The following DIP2A variants were observed in gnomAD, a reference collection of about 807,000 sequenced individuals.
The protein encoded by DIP2A is disco-interacting protein 2 homolog A.
In DIP2A, 85 loss-of-function variants were observed where a neutral mutation model predicts 177.4. That is an observed-to-expected ratio of 0.48 (90% confidence interval 0.40 to 0.57). The LOEUF is 0.57. Ranked by LOEUF, DIP2A falls within the 20% of genes least tolerant of loss-of-function variation. The pLI is 0.00. For missense variants in DIP2A, 1,791 were observed against 2,100.2 expected, an observed-to-expected ratio of 0.85 and a Z score of 2.88; for synonymous variants, 886 against 881.8, an observed-to-expected ratio of 1.00 and a Z score of -0.08.
At chr21:46,471,362 A>C (rs772988161) in intron 1 of DIP2A, among the ~76,000 whole-genome samples, 5 of 152,140 alleles carry the variant, frequency 3.3e-5, no homozygotes, top group South Asian at 2.1e-4. Context: ...GAGCAGTCTT[A>C]GGTTCACAGC....
intron 8 of DIP2A, among the ~76,000 whole-genome samples, chr21:46,519,917 C>G (rs1036462647): frequency 1.8e-5 from 2 of 112,336 alleles, no homozygotes; most frequent in African/African-American, 7.0e-5. Flanking sequence ...CTCTGCTGCT[C>G]AGGCTGGAGT....
chr21:46,477,546 TG>T (rs1471136118), intron 1 of DIP2A, among the ~76,000 whole-genome samples: 19 of 129,468 alleles, frequency 1.5e-4, no homozygotes, highest in African/African-American at 4.3e-4. Flanking sequence ...AAAAGATTTG[TG>T]TGTGTGTGTG....
At chr21:46,546,054 C>G in intron 20 of DIP2A, 93 bp downstream of exon 20, 1 of 1,590,092 alleles carries the variant, frequency 6.3e-7, no homozygotes, top group Non-Finnish European at 8.6e-7. Flanking sequence ...CTTGTCCTGG[C>G]CGTTCCTGAC....
intron 8 of DIP2A, among the ~76,000 whole-genome samples, chr21:46,511,889 A>C (rs1262186352): frequency 3.3e-5 from 5 of 152,178 alleles, no homozygotes; most frequent in African/African-American, 9.7e-5. Flanking sequence ...TCAACTTTGT[A>C]TAAGGGGAAT....
At chr21:46,504,044 C>T (rs1056943897) in intron 5 of DIP2A, among the ~76,000 whole-genome samples, 21 of 152,252 alleles carry the variant, frequency 1.4e-4, no homozygotes, top group African/African-American at 5.1e-4. Context: ...GAATTTCTAA[C>T]CAAAATCTCA....
At chr21:46,495,179 T>TTTCTC (rs373831760) in intron 3 of DIP2A, among the ~76,000 whole-genome samples, 3,637 of 72,290 alleles carry the variant, frequency 0.05, 488 homozygotes, top group East Asian at 0.09. Flanking sequence ...TCTTTCGCTT[T>TTTCTC]TTCTCTTCTC....
At position 46,506,700 on chromosome 21, in the gene DIP2A, A is replaced by AT. The variant is rs1042276111; in HGVS notation, c.784+2222dup. On this transcript the variant is annotated intron_variant, in intron 6 of 37. Coordinates refer to ENST00000417564, the MANE Select transcript of DIP2A (RefSeq NM_015151.4). Reference sequence around the variant, plus strand: ...AAGTATCTGTTCATACTTTTGGCCTATTTTTTTTTTTAATTGTGCTTGTTT... The same window carrying AT: ...AAGTATCTGTTCATACTTTTGGCCTATTTTTTTTTTTTAATTGTGCTTGTTT... Among the ~76,000 whole-genome samples the AT allele has an allele frequency of 1.0e-3, 84 of 81,130 alleles. 1 individual carries two copies. Among genetic ancestry groups the AT allele is most frequent in the East Asian group, 2.1e-3 (6 of 2,792 alleles). The allele number at this position is 81,130 out of a possible 152,430, so 53.2% of individuals were successfully genotyped here. A position where few individuals can be genotyped will look rare whatever the true frequency, so the allele number is the denominator to read the frequency against.
chr21:46,459,807 A>G (rs1189670510), intron 1 of DIP2A, among the ~76,000 whole-genome samples: 1 of 151,648 alleles, frequency 6.6e-6, no homozygotes, highest in African/African-American at 2.4e-5. Context: ...ACCTTTCCCT[A>G]TCCCCAGCTG....
intron 13 of DIP2A, among the ~76,000 whole-genome samples, chr21:46,535,650 T>G (rs1305954181): frequency 6.6e-6 from 1 of 152,176 alleles, no homozygotes; most frequent in Admixed American, 6.5e-5. Context: ...CAGCTAAAGC[T>G]TTTACTTGAG....
the DIP2A span, among the ~76,000 whole-genome samples, chr21:46,580,755 A>T: frequency 1.5e-4 from 23 of 152,314 alleles, no homozygotes; most frequent in African/African-American, 5.5e-4. Context: ...TTTCTTTAAG[A>T]ATGTTGAATA....
At chr21:46,516,838 T>C (rs1303721304) in intron 8 of DIP2A, among the ~76,000 whole-genome samples, 1 of 152,082 alleles carries the variant, frequency 6.6e-6, no homozygotes, top group Non-Finnish European at 1.5e-5. Context: ...TTCCTTATTT[T>C]AGATATTGCC....
chr21:46,556,429 A>T lies in DIP2A; in HGVS notation c.3498+338A>T, dbSNP rs886152168. 9.9e-6 allele frequency: 13 copies of T among 1,310,598 alleles called. No homozygotes were observed. The highest frequency in any genetic ancestry group is 2.3e-5 in the Admixed American group (1 of 44,064). 81.2% of individuals were successfully genotyped at this position (1,310,598 alleles called of 1,614,324 possible). The stretch of plus-strand genomic sequence containing the variant: ...CGGGGCGTGGTGGCTCACGCCTGTA[A>T]TCCCAGCACTTCGGGAGGCCGAGGC... On this transcript the variant is annotated intron_variant, in intron 29 of 37. Coordinates refer to ENST00000417564, the MANE Select transcript of DIP2A (RefSeq NM_015151.4). This position sits in a 1 kb window ranked among gnomAD's most constrained non-coding sequence, Gnocchi z 4.5.
intron 8 of DIP2A, among the ~76,000 whole-genome samples, chr21:46,524,997 C>T (rs1358821981): frequency 1.4e-5 from 2 of 143,862 alleles, no homozygotes; most frequent in African/African-American, 2.6e-5. Context: ...ACAATTATTA[C>T]GCATCAGCCT....
At chr21:46,559,476 A>C (rs933216744) in intron 32 of DIP2A, among the ~76,000 whole-genome samples, 1 of 152,206 alleles carries the variant, frequency 6.6e-6, no homozygotes, top group Non-Finnish European at 1.5e-5. Context: ...CTTCACCACA[A>C]AAAGACCCCT....
intron 1 of DIP2A, among the ~76,000 whole-genome samples, chr21:46,483,704 A>G (rs1484020636): frequency 2.6e-5 from 4 of 152,260 alleles, no homozygotes; most frequent in Non-Finnish European, 5.9e-5. Context: ...ATCTAAAGGA[A>G]ATACTCAATT....
intron 1 of DIP2A, among the ~76,000 whole-genome samples, chr21:46,482,610 A>C (rs2056424398): frequency 6.6e-6 from 1 of 151,836 alleles, no homozygotes; most frequent in Non-Finnish European, 1.5e-5. Flanking sequence ...TTCGTGAGCT[A>C]TTTGAGAAGG....
intron 18 of DIP2A, 50 bp downstream of exon 18, chr21:46,541,945 C>G (rs749625693): frequency 6.2e-7 from 1 of 1,610,276 alleles, no homozygotes; most frequent in East Asian, 2.2e-5. Context: ...ATTGAGGTAA[C>G]GAAAAGGGTT....
intron 1 of DIP2A, among the ~76,000 whole-genome samples, chr21:46,481,920 G>A (rs1419618917): frequency 2.0e-5 from 3 of 152,034 alleles, no homozygotes; most frequent in East Asian, 1.9e-4. Context: ...GCGTGGTGGC[G>A]CATGCCTGTA....
At chr21:46,485,117 A>G (rs1026960128) in intron 2 of DIP2A, among the ~76,000 whole-genome samples, 6 of 152,180 alleles carry the variant, frequency 3.9e-5, no homozygotes, top group African/African-American at 1.4e-4. Context: ...TTTTATTTTT[A>G]TGATTATGAA....
Sources: allele counts gnomAD v4.1 joint callset (sites outside exome capture counted in the v4.1 genomes callset), GRCh38; gene constraint gnomAD v4.1.1; non-coding constraint Gnocchi (gnomAD v3.1); transcripts MANE v1.5; gene names NCBI Gene and HGNC (gene_info 2026-07-23, HGNC 2026-07-21).